C3orf20: variants seen among roughly 807,000 people sequenced by gnomAD.
C3orf20 encodes the protein family with sequence similarity 149 member C.
In C3orf20, 76 loss-of-function variants were observed where a neutral mutation model predicts 88.3. The observed-to-expected ratio is 0.86, with a 90% CI of 0.72 to 1.04. The LOEUF (loss-of-function observed/expected upper bound fraction) is 1.04, where lower values mean the gene tolerates loss of function less well. C3orf20 is among the 50% of genes least tolerant of loss of function. The probability of loss-of-function intolerance (pLI) is 0.00; values close to 1 mark genes in which losing one functional copy is unlikely to be tolerated. For synonymous variants in C3orf20, 436 were observed against 437.4 expected, an observed-to-expected ratio of 1.00 and a Z score of 0.04; for missense variants, 1,056 against 1,123.3, an observed-to-expected ratio of 0.94 and a Z score of 0.86.
At chr3:14,700,802 T>C (rs796431365) in intron 5 of C3orf20, among the ~76,000 whole-genome samples, 1 of 152,356 alleles carries the variant, frequency 6.6e-6, no homozygotes, top group African/African-American at 2.4e-5. Context: ...GAATGATGCC[T>C]GGTTTTGCTA....
At chr3:14,722,252 G>A (rs2034190224) in intron 10 of C3orf20, 1 of 322,686 alleles carries the variant, frequency 3.1e-6, no homozygotes, top group South Asian at 2.7e-5. Flanking sequence ...GGAAGAAGGA[G>A]GGCTTCTGTT....
intron 7 of C3orf20, among the ~76,000 whole-genome samples, chr3:14,707,816 TC>T (rs1298911992): frequency 3.3e-4 from 30 of 91,148 alleles, no homozygotes; most frequent in Non-Finnish European, 6.8e-4. Flanking sequence ...CCCTGTGTTT[TC>T]CTCTTTTTTT....
rs189495570 is a variant in C3orf20 at position 14,753,855 on chromosome 3, A to T, written c.1941-3516A>T. 3.3e-3 allele frequency among the ~76,000 whole-genome samples: 498 copies of T among 152,318 alleles called. 4 individuals are homozygous for T. The highest frequency in any genetic ancestry group is 0.011 in the African/African-American group (473 of 41,572). ...GTCAGCTAGTGATTTGATAGAGATT[A>T]TCTGGAGCCAAAACAAAAACAAAAA... On this transcript the variant is annotated intron_variant, in intron 12 of 16. Coordinates refer to ENST00000253697, the MANE Select transcript of C3orf20 (RefSeq NM_032137.5).
At chr3:14,696,371 C>CATGATTATT in intron 5 of C3orf20, among the ~76,000 whole-genome samples, 1 of 142,044 alleles carries the variant, frequency 7.0e-6, no homozygotes, top group Non-Finnish European at 1.5e-5. Context: ...GTTGTGCTAT[C>CATGATTATT]ATTATTATTA....
intron 6 of C3orf20, 24 bp downstream of exon 6, chr3:14,703,286 G>T: frequency 6.2e-7 from 1 of 1,613,260 alleles, no homozygotes; most frequent in African/African-American, 1.3e-5. Context: ...TGCTTGGGTC[G>T]GGGGAGTCAA....
chr3:14,758,627 A>G (rs889805986), intron 13 of C3orf20, among the ~76,000 whole-genome samples: 2 of 152,044 alleles, frequency 1.3e-5, no homozygotes, highest in Non-Finnish European at 2.9e-5. Context: ...GTCTTTGCCC[A>G]TTTCCCAATT....
intron 7 of C3orf20, among the ~76,000 whole-genome samples, chr3:14,712,164 GCACACACACGCGCGCGCGCACACACACA>G (rs2033765966): frequency 9.7e-6 from 1 of 102,934 alleles, no homozygotes; most frequent in Non-Finnish European, 1.9e-5. Flanking sequence ...ACACACACAC[GCACACACACGCGCGCGCGCACACACACA>G]CACACACACA....
chr3:14,709,644 C>G (rs1022278545), intron 7 of C3orf20, among the ~76,000 whole-genome samples: 2 of 152,056 alleles, frequency 1.3e-5, no homozygotes, highest in African/African-American at 4.8e-5. Flanking sequence ...CCCCCCAACC[C>G]CCGCCATTCT....
intron 7 of C3orf20, among the ~76,000 whole-genome samples, chr3:14,709,100 A>G (rs1395130014): frequency 6.6e-6 from 1 of 152,180 alleles, no homozygotes; most frequent in Non-Finnish European, 1.5e-5. Flanking sequence ...AAAGAGGTAC[A>G]GAACTTGTAC....
chr3:14,770,262 G>A (rs994080578), intron 15 of C3orf20, among the ~76,000 whole-genome samples: 16 of 152,272 alleles, frequency 1.1e-4, no homozygotes, highest in East Asian at 5.8e-4. Context: ...TTGTGAGGCC[G>A]GATTGGAGGT....
intron 12 of C3orf20, among the ~76,000 whole-genome samples, chr3:14,734,825 A>G (rs12486726): frequency 0.27 from 40,394 of 151,782 alleles, 5,474 homozygotes; most frequent in South Asian, 0.37. Context: ...GGAGCTCTCT[A>G]TTTCTCCTTT....
At chr3:14,713,368 A>G (rs2033821489) in intron 7 of C3orf20, among the ~76,000 whole-genome samples, 1 of 151,898 alleles carries the variant, frequency 6.6e-6, no homozygotes, top group Non-Finnish European at 1.5e-5. Context: ...TTCTGCTTTC[A>G]TTCTGAAATG....
At chr3:14,754,699 C>G (rs2035312179) in intron 12 of C3orf20, among the ~76,000 whole-genome samples, 1 of 152,094 alleles carries the variant, frequency 6.6e-6, no homozygotes, top group Non-Finnish European at 1.5e-5. Context: ...TCACTCCCCT[C>G]TTTTTATGAG....
intron 12 of C3orf20, among the ~76,000 whole-genome samples, chr3:14,731,275 A>G (rs978349036): frequency 7.9e-5 from 12 of 152,212 alleles, no homozygotes; most frequent in African/African-American, 2.9e-4. Flanking sequence ...TTAACTTAGT[A>G]TAATACATAC....
chr3:14,747,846 T>C (rs1021971721), intron 12 of C3orf20, among the ~76,000 whole-genome samples: 3 of 151,968 alleles, frequency 2.0e-5, no homozygotes, highest in Admixed American at 6.6e-5. Flanking sequence ...ATATATATGA[T>C]ATATTTTCTA....
chr3:14,703,405 TCCCCACGA>T lies in C3orf20; in HGVS notation c.878+145_878+152del. On this transcript the variant is annotated intron_variant, in intron 6 of 16. Transcript: ENST00000253697. ...CCTGGGAGCGTGGGTTATGTGGTAC[TCCCCACGA>T]CAGCCACAGGTGCAGCATCCCTCAC... is the stretch of plus-strand genomic sequence containing the variant. The T allele has an allele frequency of 5.2e-6, 7 of 1,339,034 alleles. No individual in the cohort carries two copies. In the South Asian group the frequency reaches 9.7e-5, roughly 19 times the overall value. 82.9% of individuals were successfully genotyped at this position (1,339,034 alleles called of 1,614,324 possible).
intron 4 of C3orf20, among the ~76,000 whole-genome samples, chr3:14,688,446 C>T (rs559473759): frequency 6.4e-4 from 95 of 148,030 alleles, no homozygotes; most frequent in African/African-American, 2.3e-3. Context: ...GCTGGAGAAT[C>T]GCTTGAACCT....
chr3:14,685,489 C>T (rs1185108169), intron 4 of C3orf20, among the ~76,000 whole-genome samples: 10 of 126,524 alleles, frequency 7.9e-5, no homozygotes, highest in East Asian at 2.1e-4. Context: ...TCTGTGCGTG[C>T]GTGCGTGTGT....
intron 12 of C3orf20, among the ~76,000 whole-genome samples, chr3:14,750,993 T>C (rs2035204368): frequency 6.6e-6 from 1 of 152,188 alleles, no homozygotes; most frequent in Non-Finnish European, 1.5e-5. Flanking sequence ...TCTTCATTCT[T>C]TTTTCTTTCT....
Sources: gnomAD v4.1 joint callset for allele counts (sites outside exome capture counted in the v4.1 genomes callset) on GRCh38, gnomAD v4.1.1 for gene constraint, MANE v1.5 for transcripts, NCBI Gene and HGNC (gene_info 2026-07-23, HGNC 2026-07-21) for gene names.